ZMYM4: variants seen among roughly 807,000 people sequenced by gnomAD.
ZMYM4 encodes zinc finger MYM-type protein 4.
A neutral mutation model predicts 183.2 loss-of-function variants in ZMYM4; 31 were observed. The ratio of observed to expected loss-of-function variants is 0.17; its 90% CI spans 0.13 to 0.23. The LOEUF (loss-of-function observed/expected upper bound fraction) is 0.23. ZMYM4 is among the 10% of genes least tolerant of loss of function. The probability of loss-of-function intolerance (pLI) is 1.00; values close to 1 mark genes in which losing one functional copy is unlikely to be tolerated. For missense variants in ZMYM4, 1,273 were observed against 1,840.3 expected (o/e 0.69, Z 5.64); for synonymous variants, 592 against 631.2 (o/e 0.94, Z 0.93).
At chr1:35,413,287 C>G (rs1639988355) in intron 26 of ZMYM4, among the ~76,000 whole-genome samples, 1 of 152,186 alleles carries the variant, frequency 6.6e-6, no homozygotes, top group African/African-American at 2.4e-5. Context: ...TCAAGTGATC[C>G]TCTCACCTTG....
chr1:35,386,032 T>C, intron 10 of ZMYM4, 42 bp from the exon 11 acceptor site: 1 of 1,391,268 alleles, frequency 7.2e-7, no homozygotes, highest in South Asian at 1.2e-5. Context: ...TTTGTGTACA[T>C]TTGTACATAT....
intron 1 of ZMYM4, among the ~76,000 whole-genome samples, chr1:35,323,897 C>T (rs958564295): frequency 2.6e-5 from 4 of 152,014 alleles, no homozygotes; most frequent in African/African-American, 9.7e-5. Flanking sequence ...CATTCTAGAG[C>T]CTAGCTCATT....
chr1:35,403,218 A>C (rs939981113), intron 23 of ZMYM4, among the ~76,000 whole-genome samples: 5 of 152,026 alleles, frequency 3.3e-5, no homozygotes, highest in African/African-American at 9.7e-5. Flanking sequence ...GATAAACCCT[A>C]CTTTTTTCTG....
At chr1:35,349,509 TAGTC>T (rs1643518129) in intron 2 of ZMYM4, among the ~76,000 whole-genome samples, 1 of 152,158 alleles carries the variant, frequency 6.6e-6, no homozygotes, top group Non-Finnish European at 1.5e-5. Context: ...GAATAGCAGA[TAGTC>T]AGATCATCCC....
At chr1:35,312,936 C>T (rs1254637511) in intron 1 of ZMYM4, among the ~76,000 whole-genome samples, 4 of 152,266 alleles carry the variant, frequency 2.6e-5, no homozygotes, top group African/African-American at 7.2e-5. Flanking sequence ...CTCTGTCACC[C>T]GGATTGGAGT....
chr1:35,395,222 G>A (rs1570517439), intron 18 of ZMYM4, among the ~76,000 whole-genome samples: 2 of 146,982 alleles, frequency 1.4e-5, no homozygotes, highest in East Asian at 4.0e-4. Context: ...TTAATCAATA[G>A]CAGTTTATTT....
intron 1 of ZMYM4, among the ~76,000 whole-genome samples, chr1:35,305,457 T>C (rs532737769): frequency 1.3e-5 from 2 of 152,218 alleles, no homozygotes; most frequent in South Asian, 4.1e-4. Context: ...AGATTTTTTT[T>C]CTCAGGTGAT....
At chr1:35,402,486 G>A (rs982526749) in intron 23 of ZMYM4, among the ~76,000 whole-genome samples, 6 of 151,968 alleles carry the variant, frequency 3.9e-5, no homozygotes, top group African/African-American at 9.7e-5. Context: ...GCATGGTGAC[G>A]CATGCTGGTG....
At chr1:35,317,552 T>C (rs1268539799) in intron 1 of ZMYM4, among the ~76,000 whole-genome samples, 2 of 152,236 alleles carry the variant, frequency 1.3e-5, no homozygotes, top group African/African-American at 4.8e-5. Context: ...AGTTAGTTGT[T>C]GCACTGAAAG....
intron 1 of ZMYM4, chr1:35,295,967 G>T (rs779498311): frequency 6.6e-5 from 10 of 152,132 alleles, no homozygotes; most frequent in Non-Finnish European, 1.5e-4. Flanking sequence ...GATCCCTGCT[G>T]GCCAAAACAT....
intron 1 of ZMYM4, among the ~76,000 whole-genome samples, chr1:35,299,553 A>G (rs541313525): frequency 1.3e-5 from 2 of 152,342 alleles, no homozygotes; most frequent in South Asian, 4.1e-4. Context: ...GTTAAGTTAC[A>G]AAAGTTATAC....
chr1:35,359,565 G>C (rs1055818384), intron 3 of ZMYM4, 119 bp downstream of exon 3: 1 of 1,056,346 alleles, frequency 9.5e-7, no homozygotes. Context: ...TTGTAAGCTT[G>C]TCATTTTTCT....
chr1:35,273,131 T>C (rs1639700240), intron 1 of ZMYM4, among the ~76,000 whole-genome samples: 1 of 152,188 alleles, frequency 6.6e-6, no homozygotes, highest in South Asian at 2.1e-4. Flanking sequence ...TATGCTGGAA[T>C]GCTAGTCTCT....
intron 1 of ZMYM4, among the ~76,000 whole-genome samples, chr1:35,319,099 C>T (rs1356187519): frequency 1.3e-5 from 2 of 151,938 alleles, no homozygotes; most frequent in Admixed American, 6.6e-5. Flanking sequence ...AGGCTGGTCT[C>T]GAACTCCCGA....
At chr1:35,355,148 G>A (rs946410304) in intron 2 of ZMYM4, among the ~76,000 whole-genome samples, 2 of 149,574 alleles carry the variant, frequency 1.3e-5, no homozygotes, top group Non-Finnish European at 3.0e-5. Flanking sequence ...ATTCTCCTGC[G>A]TCAGCCTCCC....
intron 2 of ZMYM4, among the ~76,000 whole-genome samples, chr1:35,348,801 A>G (rs926165853): frequency 6.6e-6 from 1 of 152,218 alleles, no homozygotes; most frequent in African/African-American, 2.4e-5. Context: ...ATAAGTTAAC[A>G]TGTACATTTT....
intron 12 of ZMYM4, 37 bp downstream of exon 12, chr1:35,387,315 T>C: frequency 6.3e-7 from 1 of 1,597,902 alleles, no homozygotes; most frequent in Non-Finnish European, 8.5e-7. Context: ...ATTTTGAGTA[T>C]ACGTGGGTCT....
At chr1:35,327,231 T>A (rs1199314207) in intron 2 of ZMYM4, among the ~76,000 whole-genome samples, 1 of 152,262 alleles carries the variant, frequency 6.6e-6, no homozygotes, top group African/African-American at 2.4e-5. Flanking sequence ...TGCTGTACTA[T>A]AATTTAACTA....
chr1:35,335,579 C>T (rs952082230), intron 2 of ZMYM4, among the ~76,000 whole-genome samples: 4 of 151,916 alleles, frequency 2.6e-5, no homozygotes, highest in African/African-American at 7.3e-5. Flanking sequence ...TTGTTGTATG[C>T]GGTTCTTGTT....
Sources: allele counts gnomAD v4.1 joint callset (sites outside exome capture counted in the v4.1 genomes callset), GRCh38; gene constraint gnomAD v4.1.1; transcripts MANE v1.5; gene names NCBI Gene and HGNC (gene_info 2026-07-23, HGNC 2026-07-21).